CLSTN2: variants seen among roughly 807,000 people sequenced by gnomAD.
The protein encoded by CLSTN2 is calsyntenin 2, also known as calsyntenin-2.
CLSTN2 carries 48 observed loss-of-function variants against 101.2 expected under a neutral mutation model. The ratio of observed to expected loss-of-function variants is 0.47; its 90% CI spans 0.38 to 0.60. The LOEUF (loss-of-function observed/expected upper bound fraction) is 0.60, where lower values mean the gene tolerates loss of function less well. Among genes scored for constraint, CLSTN2 ranks in the 20% least tolerant of loss-of-function variants. The probability of loss-of-function intolerance (pLI) is 0.00; values close to 1 mark genes in which losing one functional copy is unlikely to be tolerated. For synonymous variants in CLSTN2, 481 were observed against 463.6 expected (o/e 1.04, Z -0.48); for missense variants, 1,160 against 1,238.2 (o/e 0.94, Z 0.95).
chr3:140,144,502 G>T (rs2009752141), intron 1 of CLSTN2, among the ~76,000 whole-genome samples: 1 of 152,090 alleles, frequency 6.6e-6, no homozygotes, highest in Non-Finnish European at 1.5e-5. Context: ...TATAATCCCA[G>T]CTACTCAGAG....
intron 2 of CLSTN2, among the ~76,000 whole-genome samples, chr3:140,386,587 C>T (rs917811852): frequency 2.6e-5 from 4 of 152,220 alleles, no homozygotes; most frequent in Non-Finnish European, 4.4e-5. Flanking sequence ...CCCCTGCCTT[C>T]AGGGTCAGCA....
chr3:140,445,504 C>T (rs545480236), intron 5 of CLSTN2, among the ~76,000 whole-genome samples: 32 of 152,234 alleles, frequency 2.1e-4, no homozygotes, highest in Admixed American at 3.9e-4. Context: ...AGACTGGTGC[C>T]GCAGGGTGCA....
chr3:140,080,750 C>T (rs1411540638), intron 1 of CLSTN2, among the ~76,000 whole-genome samples: 1 of 152,190 alleles, frequency 6.6e-6, no homozygotes, highest in Non-Finnish European at 1.5e-5. Context: ...CCCCAAACAC[C>T]CTCCAATCAG....
intron 12 of CLSTN2, 109 bp downstream of exon 12, chr3:140,558,966 A>AGCC: frequency 1.3e-6 from 1 of 794,898 alleles, no homozygotes; most frequent in Non-Finnish European, 2.0e-6. Flanking sequence ...ACATGGCTTA[A>AGCC]ATGTATACAT....
chr3:140,168,765 T>C (rs774265964), intron 1 of CLSTN2, among the ~76,000 whole-genome samples: 2 of 152,106 alleles, frequency 1.3e-5, no homozygotes, highest in Non-Finnish European at 2.9e-5. Flanking sequence ...CTCCTCCCCA[T>C]TTAATTGTCT....
At chr3:140,462,807 T>C (rs1356441643) in intron 7 of CLSTN2, 1 of 152,230 alleles carries the variant, frequency 6.6e-6, no homozygotes, top group Non-Finnish European at 1.5e-5. Flanking sequence ...CCAAGGATTC[T>C]TGCATCATCT....
At chr3:140,267,230 A>G (rs889427791) in intron 2 of CLSTN2, among the ~76,000 whole-genome samples, 6 of 152,204 alleles carry the variant, frequency 3.9e-5, no homozygotes, top group South Asian at 2.1e-4. Context: ...GTGAGTTCCT[A>G]TCATCCATTT....
At chr3:140,481,871 A>G (rs1934124368) in intron 8 of CLSTN2, among the ~76,000 whole-genome samples, 1 of 152,220 alleles carries the variant, frequency 6.6e-6, no homozygotes, top group Admixed American at 6.5e-5. Context: ...GGTTTTCTAA[A>G]TAAACAATCA....
At chr3:140,450,852 T>C (rs559169498) in intron 6 of CLSTN2, among the ~76,000 whole-genome samples, 11 of 152,270 alleles carry the variant, frequency 7.2e-5, no homozygotes, top group South Asian at 2.1e-4. Context: ...TCATGTTCCA[T>C]TTTTCACGTC....
At chr3:140,219,447 C>T (rs753925430) in intron 2 of CLSTN2, among the ~76,000 whole-genome samples, 2 of 152,146 alleles carry the variant, frequency 1.3e-5, no homozygotes, top group African/African-American at 4.8e-5. Flanking sequence ...TTCCTTAAAT[C>T]GGAGAATTCA....
chr3:140,196,344 T>G (rs1446899306), intron 2 of CLSTN2, among the ~76,000 whole-genome samples: 1 of 152,118 alleles, frequency 6.6e-6, no homozygotes, highest in Admixed American at 6.5e-5. Context: ...AGGGCTAAGG[T>G]GCAGATGTAG....
chr3:140,335,471 C>T (rs2087430937), intron 2 of CLSTN2, among the ~76,000 whole-genome samples: 1 of 150,406 alleles, frequency 6.6e-6, no homozygotes, highest in Non-Finnish European at 1.5e-5. Context: ...AAAAAAAAGC[C>T]CCACTGACCC....
intron 2 of CLSTN2, among the ~76,000 whole-genome samples, chr3:140,231,850 A>G (rs1257766535): frequency 1.3e-5 from 2 of 152,186 alleles, no homozygotes; most frequent in Admixed American, 1.3e-4. Flanking sequence ...CAAGCTGTGT[A>G]GTGTAGTAGT....
intron 2 of CLSTN2, among the ~76,000 whole-genome samples, chr3:140,240,982 G>A (rs981197435): frequency 6.6e-6 from 1 of 152,164 alleles, no homozygotes; most frequent in Non-Finnish European, 1.5e-5. Flanking sequence ...AATGTACCAG[G>A]ATCTCAGGAG....
intron 2 of CLSTN2, among the ~76,000 whole-genome samples, chr3:140,275,467 T>C (rs1460913904): frequency 6.6e-6 from 1 of 152,076 alleles, no homozygotes; most frequent in Non-Finnish European, 1.5e-5. Context: ...GGATGGGGTC[T>C]TGCTATGTTG....
At chr3:140,441,772 G>A (rs2108004512) in intron 5 of CLSTN2, among the ~76,000 whole-genome samples, 1 of 152,330 alleles carries the variant, frequency 6.6e-6, no homozygotes, top group African/African-American at 2.4e-5. Flanking sequence ...GCCTTGAAGA[G>A]TCTGTTTCTG....
intron 1 of CLSTN2, among the ~76,000 whole-genome samples, chr3:140,025,347 T>G (rs1300305495): frequency 2.6e-5 from 4 of 152,202 alleles, no homozygotes; most frequent in Non-Finnish European, 4.4e-5. Context: ...TTGTTCCAGG[T>G]GCAGCTTTGC....
At chr3:140,419,500 T>A (rs1299058803) in intron 4 of CLSTN2, among the ~76,000 whole-genome samples, 123 of 51,062 alleles carry the variant, frequency 2.4e-3, no homozygotes, top group African/African-American at 5.9e-3. Flanking sequence ...AAAAAATATA[T>A]ATATATATAT....
intron 10 of CLSTN2, among the ~76,000 whole-genome samples, chr3:140,554,743 T>C (rs1300317835): frequency 6.6e-6 from 1 of 152,232 alleles, no homozygotes; most frequent in East Asian, 1.9e-4. Context: ...CAAATGTCCA[T>C]ATTGGGAAAC....
Sources: allele counts gnomAD v4.1 joint callset (sites outside exome capture counted in the v4.1 genomes callset), GRCh38; gene constraint gnomAD v4.1.1; transcripts MANE v1.5; gene names NCBI Gene and HGNC (gene_info 2026-07-23, HGNC 2026-07-21).